The following MSANTD7 variants were observed in gnomAD, a reference collection of about 807,000 sequenced individuals.
MSANTD7 encodes Myb/SANT DNA binding domain containing 7.
At chr10:14,845,396 G>A in the MSANTD7 span, 1 of 985,204 alleles carries the variant, frequency 1.0e-6, no homozygotes, top group African/African-American at 1.7e-5. Context: ...ATGGACATAG[G>A]TGGAGAAATG....
At chr10:14,846,076 A>G in the MSANTD7 span, 1 of 980,654 alleles carries the variant, frequency 1.0e-6, no homozygotes, top group Non-Finnish European at 1.2e-6. Flanking sequence ...ATTAATATTT[A>G]TTAATATGCT....
chr10:14,846,724 T>C, the MSANTD7 span: 9 of 984,020 alleles, frequency 9.1e-6, no homozygotes, highest in African/African-American at 1.7e-5. Context: ...TTCAGACATG[T>C]AAGGCACTGT....
chr10:14,841,829 T>C, the MSANTD7 span, among the ~76,000 whole-genome samples: 1 of 152,248 alleles, frequency 6.6e-6, no homozygotes, highest in Non-Finnish European at 1.5e-5. Context: ...CTTGGACTCC[T>C]TTAGCGTTAG....
the MSANTD7 span, chr10:14,842,243 C>G: frequency 1.3e-6 from 2 of 1,535,402 alleles, no homozygotes; most frequent in Admixed American, 3.9e-5. The surrounding 1 kb of genome is among the most constrained non-coding windows in gnomAD (Gnocchi z 5.2). Flanking sequence ...AGACTTGCAC[C>G]TTGCTGTCCA....
the MSANTD7 span, chr10:14,846,807 G>A: frequency 6.3e-5 from 62 of 985,244 alleles, no homozygotes; most frequent in Admixed American, 2.5e-4. Flanking sequence ...GCTGTTGACC[G>A]TAAGGGATAT....
the MSANTD7 span, chr10:14,846,195 C>G: frequency 1.3e-5 from 13 of 985,036 alleles, no homozygotes; most frequent in Non-Finnish European, 1.6e-5. Flanking sequence ...TTGTCTTAGG[C>G]TATTATATGG....
At chr10:14,846,442 A>G in the MSANTD7 span, 1 of 985,400 alleles carries the variant, frequency 1.0e-6, no homozygotes, top group Non-Finnish European at 1.2e-6. Flanking sequence ...AATAAAAGTC[A>G]AGGGAAAGGT....
At chr10:14,841,485 C>G in the MSANTD7 span, among the ~76,000 whole-genome samples, 3 of 152,124 alleles carry the variant, frequency 2.0e-5, no homozygotes, top group African/African-American at 7.2e-5. Context: ...TTCACCACCT[C>G]TCCCCGTGGT....
the MSANTD7 span, chr10:14,843,464 G>T: frequency 6.4e-7 from 1 of 1,550,628 alleles, no homozygotes; most frequent in Non-Finnish European, 8.7e-7. Context: ...GCCAGACTGG[G>T]TGTGTCCGGG....
At chr10:14,841,092 T>TA in the MSANTD7 span, 1 of 152,302 alleles carries the variant, frequency 6.6e-6, no homozygotes, top group East Asian at 1.9e-4. Flanking sequence ...AGGTATCTCT[T>TA]ACCTGTTTAT....
At chr10:14,842,656 C>G in the MSANTD7 span, 19 of 1,536,218 alleles carry the variant, frequency 1.2e-5, no homozygotes, top group African/African-American at 2.2e-4. This position sits in a 1 kb window ranked among gnomAD's most constrained non-coding sequence, Gnocchi z 5.2. Context: ...GTGATCAGAA[C>G]TTAGTGGCCT....
the MSANTD7 span, among the ~76,000 whole-genome samples, chr10:14,839,554 G>T: frequency 6.6e-6 from 1 of 150,482 alleles, no homozygotes. Flanking sequence ...CTGGGCCACG[G>T]AGCAAGACTC....
the MSANTD7 span, chr10:14,846,691 G>C: frequency 1.0e-6 from 1 of 966,342 alleles, no homozygotes; most frequent in Non-Finnish European, 1.2e-6. Flanking sequence ...AGGATCAAAG[G>C]AACAGATGAA....
chr10:14,842,363 G>A, the MSANTD7 span: 1 of 1,536,152 alleles, frequency 6.5e-7, no homozygotes, highest in Non-Finnish European at 8.7e-7. This position sits in a 1 kb window ranked among gnomAD's most constrained non-coding sequence, Gnocchi z 5.2. Flanking sequence ...ACTAGGCGAG[G>A]CAGAGTATAT....
the MSANTD7 span, chr10:14,843,705 A>C: frequency 6.5e-7 from 1 of 1,540,234 alleles, no homozygotes; most frequent in South Asian, 1.2e-5. Flanking sequence ...AGCGGGAGGA[A>C]GAAAAACTGG....
At chr10:14,845,980 C>G in the MSANTD7 span, 1 of 929,968 alleles carries the variant, frequency 1.1e-6, no homozygotes. Context: ...AAAATGAAAA[C>G]GAAATTTTAA....
the MSANTD7 span, chr10:14,844,794 C>T: frequency 6.3e-5 from 62 of 985,194 alleles, no homozygotes; most frequent in Non-Finnish European, 7.1e-5. Context: ...CTTTAAGTTT[C>T]GGTTGCCATT....
chr10:14,840,103 G>T, the MSANTD7 span: 1 of 1,460,078 alleles, frequency 6.8e-7, no homozygotes, highest in South Asian at 1.6e-5. Flanking sequence ...AAACAAAGTA[G>T]AATAAGAAAT....
chr10:14,842,825 T>C, the MSANTD7 span: 1 of 1,534,580 alleles, frequency 6.5e-7, no homozygotes. This position sits in a 1 kb window ranked among gnomAD's most constrained non-coding sequence, Gnocchi z 5.2. Flanking sequence ...TGAGGACTCC[T>C]GGGATGAATC....
Sources: allele counts gnomAD v4.1 joint callset (sites outside exome capture counted in the v4.1 genomes callset), GRCh38; gene constraint gnomAD v4.1.1; non-coding constraint Gnocchi (gnomAD v3.1); transcripts MANE v1.5; gene names NCBI Gene and HGNC (gene_info 2026-07-23, HGNC 2026-07-21).